DCUN1D4: variants seen among roughly 807,000 people sequenced by gnomAD.
DCUN1D4 encodes defective in cullin neddylation 1 domain containing 4.
Under a neutral mutation model 47.9 loss-of-function variants are expected in DCUN1D4, and 22 were observed. The ratio of observed to expected loss-of-function variants is 0.46; its 90% CI spans 0.33 to 0.66. The LOEUF (loss-of-function observed/expected upper bound fraction) is 0.66. DCUN1D4 is among the 30% of genes least tolerant of loss of function. The probability of loss-of-function intolerance (pLI) is 0.02; values close to 1 mark genes in which losing one functional copy is unlikely to be tolerated. For missense variants in DCUN1D4, 301 were observed against 340.8 expected, an observed-to-expected ratio of 0.88 and a Z score of 0.92; for synonymous variants, 121 against 112.2, an observed-to-expected ratio of 1.08 and a Z score of -0.50.
At chr4:51,901,643 G>A (rs1310367936) in intron 8 of DCUN1D4, among the ~76,000 whole-genome samples, 3 of 152,138 alleles carry the variant, frequency 2.0e-5, no homozygotes, top group African/African-American at 7.2e-5. Context: ...GCCTGTCAGG[G>A]ATCAGCCTGT....
intron 5 of DCUN1D4, among the ~76,000 whole-genome samples, chr4:51,880,633 C>T (rs1409680492): frequency 2.0e-5 from 3 of 152,172 alleles, no homozygotes; most frequent in African/African-American, 7.2e-5. Context: ...TCCACCAGCT[C>T]AATTTCTGAT....
At chr4:51,846,070 A>G (rs981643606) in intron 1 of DCUN1D4, among the ~76,000 whole-genome samples, 1 of 152,212 alleles carries the variant, frequency 6.6e-6, no homozygotes, top group South Asian at 2.1e-4. Flanking sequence ...AGAAAATATG[A>G]AGCTAGTCAT....
intron 8 of DCUN1D4, among the ~76,000 whole-genome samples, chr4:51,901,218 G>A (rs905994156): frequency 6.6e-6 from 1 of 151,968 alleles, no homozygotes; most frequent in African/African-American, 2.4e-5. Flanking sequence ...TGTTTATATC[G>A]ACCCAGCACT....
chr4:51,840,107 G>A (rs1213132104), upstream of DCUN1D4, among the ~76,000 whole-genome samples: 1 of 152,132 alleles, frequency 6.6e-6, no homozygotes, highest in Non-Finnish European at 1.5e-5. Context: ...CATAAAGACT[G>A]CATCTCCAAA....
intron 5 of DCUN1D4, among the ~76,000 whole-genome samples, chr4:51,879,062 C>T (rs1421411215): frequency 6.6e-6 from 1 of 152,058 alleles, no homozygotes; most frequent in African/African-American, 2.4e-5. Context: ...GTGGAGGACT[C>T]GAGAGGTTAT....
the DCUN1D4 span, among the ~76,000 whole-genome samples, chr4:51,837,748 C>CA: frequency 2.7e-3 from 372 of 135,482 alleles, no homozygotes; most frequent in Middle Eastern, 0.013. Flanking sequence ...CCAGGAGAGG[C>CA]AAAAAAAAAT....
chr4:51,895,217 T>C (rs1203636600), intron 7 of DCUN1D4, among the ~76,000 whole-genome samples: 5 of 149,440 alleles, frequency 3.3e-5, no homozygotes, highest in Admixed American at 1.3e-4. Flanking sequence ...AAAAAAAAGG[T>C]TACTGTATGA....
chr4:51,844,142 C>T (rs1173462822), intron 1 of DCUN1D4, among the ~76,000 whole-genome samples: 4 of 18,522 alleles, frequency 2.2e-4, no homozygotes, highest in African/African-American at 9.3e-4. Flanking sequence ...AGGAGCTAGT[C>T]GGGGAGGAAG....
chr4:51,853,378 G>T (rs1723651638), intron 1 of DCUN1D4, among the ~76,000 whole-genome samples: 1 of 152,214 alleles, frequency 6.6e-6, no homozygotes, highest in South Asian at 2.1e-4. Context: ...TTGATGAGGA[G>T]AATGAAGTTA....
At chr4:51,889,714 T>C (rs1730125485) in intron 6 of DCUN1D4, among the ~76,000 whole-genome samples, 1 of 152,126 alleles carries the variant, frequency 6.6e-6, no homozygotes, top group Admixed American at 6.6e-5. Context: ...TTAGTTGTCC[T>C]AGGTAAATCG....
At chr4:51,874,486 G>A in intron 4 of DCUN1D4, 101 bp downstream of exon 4, 1 of 689,414 alleles carries the variant, frequency 1.5e-6, no homozygotes, top group South Asian at 3.2e-5. Flanking sequence ...CAAATGCCAA[G>A]TGGAATGGGC....
chr4:51,910,893 C>T, intron 8 of DCUN1D4, 177 bp from the exon 9 acceptor site: 3 of 602,638 alleles, frequency 5.0e-6, no homozygotes, highest in Non-Finnish European at 8.7e-6. Flanking sequence ...AATGCCCAAG[C>T]CTTCCATTGT....
At chr4:51,905,933 C>G (rs1030401397) in intron 8 of DCUN1D4, among the ~76,000 whole-genome samples, 20 of 152,048 alleles carry the variant, frequency 1.3e-4, no homozygotes, top group Admixed American at 1.2e-3. Flanking sequence ...CGAGGTGAAC[C>G]AGACAGAATC....
intron 4 of DCUN1D4, chr4:51,875,074 C>T (rs991913325): frequency 1.1e-4 from 17 of 152,174 alleles, no homozygotes; most frequent in African/African-American, 3.6e-4. Flanking sequence ...GGTCATATCA[C>T]TAATGGGCCA....
intron 8 of DCUN1D4, among the ~76,000 whole-genome samples, chr4:51,904,037 AT>A (rs201219583): frequency 2.5e-4 from 37 of 145,380 alleles, no homozygotes; most frequent in South Asian, 4.4e-4. Context: ...ATTGCTTGTA[AT>A]TTTTTTTTTT....
At chr4:51,879,944 A>G (rs995101464) in intron 5 of DCUN1D4, among the ~76,000 whole-genome samples, 21 of 152,320 alleles carry the variant, frequency 1.4e-4, no homozygotes, top group African/African-American at 4.6e-4. Flanking sequence ...TTTTGGACAT[A>G]AAGATTAAGC....
intron 1 of DCUN1D4, among the ~76,000 whole-genome samples, chr4:51,863,039 A>G (rs1213625509): frequency 6.6e-6 from 1 of 152,036 alleles, no homozygotes; most frequent in East Asian, 1.9e-4. Flanking sequence ...AATAAATACT[A>G]ATGTTGGGAT....
chr4:51,878,219 C>T (rs1404937770), intron 5 of DCUN1D4, among the ~76,000 whole-genome samples: 1 of 152,056 alleles, frequency 6.6e-6, no homozygotes, highest in Non-Finnish European at 1.5e-5. Flanking sequence ...AGTGAAATTT[C>T]TTTATATTAA....
upstream of DCUN1D4, chr4:51,843,098 T>A: frequency 7.0e-7 from 1 of 1,435,706 alleles, no homozygotes; most frequent in Non-Finnish European, 9.1e-7. Context: ...AGCCGCGGTT[T>A]AGCCAATGGA....
Sources: gnomAD v4.1 joint callset for allele counts (sites outside exome capture counted in the v4.1 genomes callset) on GRCh38, gnomAD v4.1.1 for gene constraint, MANE v1.5 for transcripts, NCBI Gene and HGNC (gene_info 2026-07-23, HGNC 2026-07-21) for gene names.